The following ATP11B variants were observed in gnomAD, a reference collection of about 807,000 sequenced individuals.
ATP11B encodes ATPase phospholipid transporting 11B (putative), also known as phospholipid-transporting ATPase IF.
In ATP11B, 81 loss-of-function variants were observed where a neutral mutation model predicts 157.8. That is an observed-to-expected ratio of 0.51 (90% confidence interval 0.43 to 0.62). The LOEUF (loss-of-function observed/expected upper bound fraction) is 0.62, where lower values mean the gene tolerates loss of function less well. ATP11B is among the 20% of genes least tolerant of loss of function. The pLI, the probability that ATP11B is intolerant of heterozygous loss-of-function variation, is 0.00. For missense variants in ATP11B, 1,165 were observed against 1,402.2 expected, an observed-to-expected ratio of 0.83 and a Z score of 2.70; for synonymous variants, 451 against 469.4, an observed-to-expected ratio of 0.96 and a Z score of 0.51.
intron 1 of ATP11B, among the ~76,000 whole-genome samples, chr3:182,812,292 A>G (rs547040888): frequency 6.6e-6 from 1 of 152,306 alleles, no homozygotes; most frequent in South Asian, 2.1e-4. Context: ...TTTCATTGCC[A>G]GTTTTGTTTA....
At chr3:182,910,945 T>C (rs1307204083) in intron 28 of ATP11B, among the ~76,000 whole-genome samples, 2 of 152,244 alleles carry the variant, frequency 1.3e-5, no homozygotes, top group Admixed American at 1.3e-4. Context: ...AAAAGATATA[T>C]AAAATAAGCC....
intron 14 of ATP11B, among the ~76,000 whole-genome samples, chr3:182,866,995 A>T (rs1461970516): frequency 6.6e-6 from 1 of 150,872 alleles, no homozygotes; most frequent in South Asian, 2.1e-4. Flanking sequence ...CAGTGGTGTG[A>T]TCTCAGCTCA....
chr3:182,867,330 C>T (rs1721317296), intron 14 of ATP11B, 46 bp from the exon 15 acceptor site: 3 of 1,057,010 alleles, frequency 2.8e-6, no homozygotes, highest in South Asian at 2.7e-5. Context: ...GTGAAATATG[C>T]AGTATTATTT....
At chr3:182,885,126 T>C (rs1722712636) in intron 22 of ATP11B, among the ~76,000 whole-genome samples, 1 of 152,142 alleles carries the variant, frequency 6.6e-6, no homozygotes, top group Non-Finnish European at 1.5e-5. Context: ...TTTAAAGTTA[T>C]TTTGTCCTGA....
In ATP11B at chr3:182,832,869, A is replaced by C. The variant is rs78096624; in HGVS notation, c.315+3117A>C. ...GTAGTAGTAAAATCCAGTGAGCTGT[A>C]GCTAGCTATTCAGAGAAGGAAGGGA... is the stretch of plus-strand genomic sequence containing the variant. On this transcript the variant is annotated intron_variant, in intron 4 of 29. Transcript: ENST00000323116. Among the ~76,000 whole-genome samples the C allele has an allele frequency of 7.1e-3, 1,084 of 152,304 alleles. 4 individuals carry two copies. Among genetic ancestry groups the C allele is most frequent in the Non-Finnish European group, 0.011 (778 of 68,020 alleles).
At chr3:182,913,730 C>T in intron 28 of ATP11B, 131 bp from the exon 29 acceptor site, 3 of 1,452,786 alleles carry the variant, frequency 2.1e-6, no homozygotes, top group Non-Finnish European at 2.8e-6. Context: ...TCATATGTTT[C>T]CCATATTATA....
rs145914940 is a variant in ATP11B at position 182,893,833 on chromosome 3, C to T, written c.2983-2867C>T. On this transcript the variant is annotated intron_variant, in intron 25 of 29. Transcript: ENST00000323116. ...ACAGTGTAAAAGTGTTCCCTTTTCACCACATGCATGCCAACATCTATTTTT... is the reference window on the plus strand; with the variant it reads ...ACAGTGTAAAAGTGTTCCCTTTTCATCACATGCATGCCAACATCTATTTTT... Among the ~76,000 whole-genome samples the T allele has an allele frequency of 2.5e-3, 387 of 152,320 alleles. 2 individuals are homozygous for T. The highest frequency in any genetic ancestry group is 8.9e-3 in the African/African-American group (371 of 41,560).
chr3:182,803,267 T>C (rs12696496), intron 1 of ATP11B, among the ~76,000 whole-genome samples: 108,713 of 152,058 alleles, frequency 0.71, 39,327 homozygotes, highest in Non-Finnish European at 0.78. Context: ...GGGTGTGAAA[T>C]AGTGTCTCAT....
At chr3:182,908,193 TTTC>T (rs1724509839) in intron 28 of ATP11B, among the ~76,000 whole-genome samples, 2 of 147,446 alleles carry the variant, frequency 1.4e-5, no homozygotes, top group South Asian at 2.1e-4. Flanking sequence ...ATATTATTAT[TTTC>T]TTTTTTTTTT....
intron 1 of ATP11B, among the ~76,000 whole-genome samples, chr3:182,811,550 T>C (rs2108491284): frequency 6.6e-6 from 1 of 152,318 alleles, no homozygotes; most frequent in East Asian, 1.9e-4. Context: ...TTCCTTTGGC[T>C]CATCCCCCCA....
chr3:182,873,991 A>T lies in ATP11B; in HGVS notation c.2228A>T (p.Glu743Val), dbSNP rs1446859450. 2 of 1,614,072 alleles carry T rather than the reference A, an allele frequency of 1.2e-6. No individual in the cohort carries two copies. The highest frequency in any genetic ancestry group is 2.2e-5 in the South Asian group (2 of 91,076). The part of the protein sequence containing the change: ...INQKSDSECA[E>V]QLRQLARRIT... ...CAGAAATCAGACAGCGAGTGTGCTG[A>T]ACAATTGAGGCAGCTTGCCAGAAGG... The change falls in exon 19 of 30, where the codon GAA (glutamate) becomes GTA (valine). Residue 743 changes from glutamate to valine, a missense_variant. Coordinates refer to ENST00000323116, the MANE Select transcript of ATP11B (RefSeq NM_014616.3).
At chr3:182,797,266 C>T (rs1463578386) in intron 1 of ATP11B, among the ~76,000 whole-genome samples, 1 of 152,088 alleles carries the variant, frequency 6.6e-6, no homozygotes, top group Non-Finnish European at 1.5e-5. Flanking sequence ...CTACTTTTTC[C>T]TGTACCTGTA....
chr3:182,876,814 C>A (rs905719589), intron 19 of ATP11B, among the ~76,000 whole-genome samples: 41 of 152,242 alleles, frequency 2.7e-4, no homozygotes, highest in Admixed American at 2.4e-3. Context: ...TGGGGGTTAA[C>A]TTTCCACATT....
rs1163900187 is a variant in ATP11B, at chr3:182,921,020, A to AGAT, written c.*2917_*2919dup. On this transcript the variant is annotated 3_prime_UTR_variant, in exon 30 of 30. Coordinates refer to ENST00000323116, the MANE Select transcript of ATP11B (RefSeq NM_014616.3). Reference sequence around the variant, plus strand: ...GTCATTTCTACTGGAAAAGATTGTGAGATTGAACTTATCTGATCGCTTGAG... The same window carrying AGAT: ...GTCATTTCTACTGGAAAAGATTGTGAGATGATTGAACTTATCTGATCGCTTGAG... 16 of 152,250 alleles carry AGAT rather than the reference A, an allele frequency of 1.1e-4. No individual in the cohort carries two copies. Among genetic ancestry groups the AGAT allele is most frequent in the African/African-American group, 3.6e-4 (15 of 41,524 alleles). 9.4% of individuals were successfully genotyped at this position (152,250 alleles called of 1,614,324 possible).
chr3:182,890,356 A>G (rs187239937), intron 25 of ATP11B, among the ~76,000 whole-genome samples: 28 of 152,328 alleles, frequency 1.8e-4, no homozygotes, highest in Admixed American at 5.2e-4. Context: ...CAGACATACA[A>G]ATTTGCAATT....
At chr3:182,853,551 A>T (rs1294863963) in intron 10 of ATP11B, among the ~76,000 whole-genome samples, 1 of 152,234 alleles carries the variant, frequency 6.6e-6, no homozygotes, top group East Asian at 1.9e-4. Flanking sequence ...GAAATTTTTA[A>T]AAGGTTATAT....
rs1247630571 is a variant in ATP11B at position 182,793,569 on chromosome 3, C to G, written c.-191C>G. The G allele has an allele frequency of 2.7e-6, 1 of 368,474 alleles. No individual in the cohort carries two copies. Among genetic ancestry groups the G allele is most frequent in the East Asian group, 4.0e-5 (1 of 24,820 alleles). 22.8% of individuals were successfully genotyped at this position (368,474 alleles called of 1,614,324 possible). A position where few individuals can be genotyped will look rare whatever the true frequency, so the allele number is the denominator to read the frequency against. On this transcript the variant is annotated 5_prime_UTR_variant, in exon 1 of 30. Transcript: ENST00000323116. ...CGCCGGGCGGGGGCGGCGCCGGGGC[C>G]GCGCCTGTAGGACTCGGGGCCGACG...
intron 19 of ATP11B, among the ~76,000 whole-genome samples, chr3:182,878,887 T>G (rs759827656): frequency 6.6e-6 from 1 of 152,226 alleles, no homozygotes; most frequent in African/African-American, 2.4e-5. Context: ...GTAAGACTTT[T>G]CATCTAATTT....
chr3:182,820,193 A>G (rs1717240453), intron 1 of ATP11B, 67 bp from the exon 2 acceptor site: 8 of 1,024,946 alleles, frequency 7.8e-6, no homozygotes, highest in Non-Finnish European at 1.1e-5. Context: ...AAATAAAGCT[A>G]ACAGTAAAGT....
Sources: gnomAD v4.1 joint callset for allele counts (sites outside exome capture counted in the v4.1 genomes callset) on GRCh38, gnomAD v4.1.1 for gene constraint, MANE v1.5 for transcripts, NCBI Gene and HGNC (gene_info 2026-07-23, HGNC 2026-07-21) for gene names.